Variants in TRIM16 observed in about 807,000 individuals in gnomAD.
TRIM16 encodes the protein tripartite motif-containing protein 16.
A neutral mutation model predicts 50.4 loss-of-function variants in TRIM16; 33 were observed. The observed-to-expected ratio is 0.65, with a 90% CI of 0.50 to 0.88. The LOEUF (loss-of-function observed/expected upper bound fraction) is 0.88, where lower values mean the gene tolerates loss of function less well. Ranked by LOEUF, TRIM16 falls within the 40% of genes least tolerant of loss-of-function variation. The pLI, the probability that TRIM16 is intolerant of heterozygous loss-of-function variation, is 0.00. For synonymous variants in TRIM16, 229 were observed against 270.7 expected, an observed-to-expected ratio of 0.85 and a Z score of 1.51; for missense variants, 581 against 686.8, an observed-to-expected ratio of 0.85 and a Z score of 1.72.
At chr17:15,640,756 A>G (rs1201016924) in intron 8 of TRIM16, among the ~76,000 whole-genome samples, 2 of 148,602 alleles carry the variant, frequency 1.3e-5, no homozygotes, top group Non-Finnish European at 3.0e-5. Flanking sequence ...CAGGCTCTGC[A>G]TTAGCTAACG....
intron 6 of TRIM16, 99 bp from the exon 7 acceptor site, chr17:15,652,045 A>G: frequency 1.0e-6 from 1 of 973,582 alleles, no homozygotes; most frequent in Non-Finnish European, 1.2e-6. Context: ...TTTAAAGAGA[A>G]GTAAAATGTA....
At position 15,636,235 on chromosome 17, in the gene TRIM16, A is replaced by G. The variant is rs1986732149; in HGVS notation, c.650T>C (p.Met217Thr). The G allele has an allele frequency of 2.5e-6, 4 of 1,608,510 alleles. No homozygotes were observed. Among genetic ancestry groups the G allele is most frequent in the Non-Finnish European group, 3.4e-6 (4 of 1,178,220 alleles). The change falls in exon 9 of 12, where the codon ATG becomes ACG. Residue 217 changes from methionine to threonine, a missense_variant. By Grantham distance (81) the Met-to-Thr change is moderately conservative. Transcript: ENST00000649191. Reference sequence around the variant, plus strand: ...AGCAGCAAGGAGTTCCCCAAACTGCATTTCAGCCACCGCTTTGACCTCTGA... The same window carrying G: ...AGCAGCAAGGAGTTCCCCAAACTGCGTTTCAGCCACCGCTTTGACCTCTGA... Reference protein sequence around the residue: ...SVSEVKAVAEMQFGELLAAVR... With the variant: ...SVSEVKAVAETQFGELLAAVR...
chr17:15,661,654 T>C (rs571107904), intron 6 of TRIM16, among the ~76,000 whole-genome samples: 2 of 152,310 alleles, frequency 1.3e-5, no homozygotes, highest in East Asian at 1.9e-4. Flanking sequence ...GTTTGTTAGA[T>C]GAAGCCCAGA....
In TRIM16 at chr17:15,651,534, C is replaced by T; in HGVS notation, c.76G>A (p.Asp26Asn). ...GAATCTGGGCTGGGTGACCCAGAGT[C>T]TGGGCTGAGAGGGGCTGGGGGCTGA... ...TAQPPAPLSP[D>N]SGSPSPDSGS... Residue 26 changes from aspartate to asparagine, a missense_variant, in exon 7 of 12, where the codon GAC (aspartate) becomes AAC (asparagine). Around this residue, in one of 3 missense-constraint regions of TRIM16, gnomAD observed 450 missense variants for 544.3 expected, o/e 0.83. Coordinates refer to ENST00000649191, the MANE Select transcript of TRIM16 (RefSeq NM_001348119.1). The T allele has an allele frequency of 6.2e-7, 1 of 1,613,858 alleles. No homozygotes were observed. Among genetic ancestry groups the T allele is most frequent in the Non-Finnish European group, 8.5e-7 (1 of 1,179,862 alleles).
intron 11 of TRIM16, 94 bp from the exon 12 acceptor site, chr17:15,629,292 G>A: frequency 4.3e-6 from 3 of 703,524 alleles, no homozygotes; most frequent in South Asian, 3.8e-5. Flanking sequence ...AAGCACATAT[G>A]AGAAAACATC....
intron 6 of TRIM16, among the ~76,000 whole-genome samples, chr17:15,665,260 C>G (rs1287096470): frequency 3.3e-5 from 5 of 152,160 alleles, no homozygotes; most frequent in South Asian, 2.1e-4. Context: ...TGCCTGTAAT[C>G]CCAGCACTTT....
In TRIM16 at chr17:15,635,006, TTGTC is replaced by T. The variant is rs1325587211; in HGVS notation, c.849+1026_849+1029del. Among the ~76,000 whole-genome samples, 44 of 149,486 alleles carry T rather than the reference TTGTC, an allele frequency of 2.9e-4. 4 individuals carry two copies. Among genetic ancestry groups the T allele is most frequent in the African/African-American group, 9.4e-4 (38 of 40,476 alleles). On this transcript the variant is annotated intron_variant, in intron 9 of 11. Transcript: ENST00000649191. ...ACTGACAGACGCTTTGTTGGTGTTT[TTGTC>T]TGTCTTTCTCTTTTACTCATTCAAA...
Position 15,627,974 on chromosome 17 carries a change from T to C in TRIM16, c.*641A>G, listed in dbSNP as rs988972101. 7.9e-5 allele frequency: 12 copies of C among 152,216 alleles called. No homozygotes were observed. The highest frequency in any genetic ancestry group is 2.9e-4 in the African/African-American group (12 of 41,438). 9.4% of individuals were successfully genotyped at this position (152,216 alleles called of 1,614,324 possible). A position where few individuals can be genotyped will look rare whatever the true frequency, so the allele number is the denominator to read the frequency against. On this transcript the variant is annotated 3_prime_UTR_variant, in exon 12 of 12. Transcript: ENST00000649191. ...ATCTGGCACATAGGAAATACGCAAG[T>C]TAGCAATTTATTATGATAACTCTGC...
At chr17:15,680,561 T>C (rs1597682317) in intron 4 of TRIM16, among the ~76,000 whole-genome samples, 1 of 151,950 alleles carries the variant, frequency 6.6e-6, no homozygotes, top group Non-Finnish European at 1.5e-5. Context: ...GAGGCCTCAT[T>C]CCCATCCTGC....
At chr17:15,675,577 T>C (rs1177838535) in intron 6 of TRIM16, 2 of 172,772 alleles carry the variant, frequency 1.2e-5, no homozygotes, top group Non-Finnish European at 2.8e-5. Flanking sequence ...GTAAAGACTG[T>C]AGGAAAGCCT....
intron 10 of TRIM16, 124 bp from the exon 11 acceptor site, chr17:15,631,838 T>A (rs1005879911): frequency 1.2e-6 from 1 of 823,292 alleles, no homozygotes. Context: ...AGCCTGGTAA[T>A]GTTTCACAGA....
At chr17:15,637,122 G>A (rs1460674240) in intron 8 of TRIM16, among the ~76,000 whole-genome samples, 1 of 145,552 alleles carries the variant, frequency 6.9e-6, no homozygotes, top group Non-Finnish European at 1.5e-5. Flanking sequence ...AGGTGGGGGG[G>A]GGGGGTCAGC....
intron 8 of TRIM16, among the ~76,000 whole-genome samples, chr17:15,642,128 G>C (rs1987144113): frequency 6.7e-6 from 1 of 149,082 alleles, no homozygotes; most frequent in African/African-American, 2.5e-5. Flanking sequence ...ACAGGTGTGA[G>C]CCACTGTGCC....
chr17:15,643,155 T>A, intron 7 of TRIM16: 1 of 1,024,966 alleles, frequency 9.8e-7, no homozygotes, highest in Non-Finnish European at 1.2e-6. Context: ...TCTGAATGGA[T>A]CCCTCCTCTC....
At chr17:15,677,154 A>G (rs1988985709) in intron 6 of TRIM16, 22 bp downstream of exon 6, 1 of 984,970 alleles carries the variant, frequency 1.0e-6, no homozygotes, top group South Asian at 4.7e-5. Flanking sequence ...CTAAAGATGC[A>G]ATCTGCCTTG....
At chr17:15,671,152 T>G (rs1988714787) in intron 6 of TRIM16, among the ~76,000 whole-genome samples, 1 of 152,244 alleles carries the variant, frequency 6.6e-6, no homozygotes, top group Admixed American at 6.5e-5. Flanking sequence ...ACGAATGAAC[T>G]GACTGGGCCT....
chr17:15,631,034 C>T (rs1209040705), intron 11 of TRIM16, among the ~76,000 whole-genome samples: 1 of 151,984 alleles, frequency 6.6e-6, no homozygotes. Context: ...TTTAAAAATG[C>T]TAATGGACCA....
rs1989238555 is a variant in TRIM16, at chr17:15,682,858, C to G, written c.-683G>C. ...CACCATTCTTCGCACACTCACCACG[C>G]ACCAGGTGCTTTCCATAAATCAGTA... On this transcript the variant is annotated 5_prime_UTR_variant, in exon 3 of 12. Transcript: ENST00000649191. The G allele has an allele frequency of 1.3e-5, 19 of 1,441,472 alleles. No individual in the cohort carries two copies. Among genetic ancestry groups the G allele is most frequent in the Non-Finnish European group, 1.7e-5 (19 of 1,101,826 alleles). The allele number at this position is 1,441,472 out of a possible 1,614,324, so 89.3% of individuals were successfully genotyped here.
intron 9 of TRIM16, among the ~76,000 whole-genome samples, chr17:15,635,461 T>C (rs1474837612): frequency 6.8e-6 from 1 of 148,020 alleles, no homozygotes; most frequent in Non-Finnish European, 1.5e-5. Flanking sequence ...TAATGATACA[T>C]TGTAATGAAA....
Sources: gnomAD v4.1 joint callset for allele counts (sites outside exome capture counted in the v4.1 genomes callset) on GRCh38, gnomAD v4.1.1 for gene constraint, gnomAD v4.1.1 regional missense constraint, MANE v1.5 for transcripts, NCBI Gene and HGNC (gene_info 2026-07-23, HGNC 2026-07-21) for gene names.